Variants in OR4D6 observed in about 807,000 individuals in gnomAD.
The protein encoded by OR4D6 is olfactory receptor 4D6.
In OR4D6, 9 loss-of-function variants were observed where a neutral mutation model predicts 10.9. That is an observed-to-expected ratio of 0.82 (90% CI 0.50 to 1.44). The LOEUF (loss-of-function observed/expected upper bound fraction) is 1.44, where lower values mean the gene tolerates loss of function less well. OR4D6 is among the 40% of genes most tolerant of loss of function. The pLI is 0.00. For synonymous variants in OR4D6, 167 were observed against 154.4 expected, an observed-to-expected ratio of 1.08 and a Z score of -0.60; for missense variants, 370 against 384.4, an observed-to-expected ratio of 0.96 and a Z score of 0.31.
chr11:59,457,650 G>A lies in OR4D6; in HGVS notation c.690G>A (p.Gly230=). 6.2e-7 allele frequency: 1 copy of A among 1,613,152 alleles called. No homozygotes were observed. The highest frequency in any genetic ancestry group is 8.5e-7 in the Non-Finnish European group (1 of 1,179,890). ...VILVMLRSHS[G]EGRNKALSTC... ...TGGTGATGCTGAGATCCCACTCTGG[G>A]GAGGGGCGGAACAAGGCCCTCTCCA... The change falls in exon 1 of 1, where the codon GGG becomes GGA. Residue 230 remains glycine (G), a synonymous_variant. Transcript: ENST00000300127.
At position 59,457,279 on chromosome 11, in the gene OR4D6, G is replaced by A. The variant is rs772454753; in HGVS notation, c.319G>A (p.Ala107Thr). The change falls in exon 1 of 1, where the codon GCT becomes ACT. Residue 107 changes from alanine (A) to threonine (T), a missense_variant. By Grantham distance (58) the Ala-to-Thr change is moderately conservative (BLOSUM62 0). Coordinates refer to ENST00000300127, the MANE Select transcript of OR4D6 (RefSeq NM_001004708.1). ...CMAQIFFFHF[A>T]GGADIFFLSV... ...GGCACAGATCTTTTTCTTCCACTTTGCTGGTGGGGCAGATATTTTTTTCCT... is the reference window on the plus strand; with the variant it reads ...GGCACAGATCTTTTTCTTCCACTTTACTGGTGGGGCAGATATTTTTTTCCT... The A allele has an allele frequency of 6.2e-7, 1 of 1,613,740 alleles. No homozygotes were observed. Among genetic ancestry groups the A allele is most frequent in the South Asian group, 1.1e-5 (1 of 91,032 alleles).
chr11:59,457,120 C>T lies in OR4D6; in HGVS notation c.160C>T (p.Arg54Cys), dbSNP rs201484408. 7.7e-5 allele frequency: 125 copies of T among 1,613,934 alleles called. No homozygotes were observed. The highest frequency in any genetic ancestry group is 4.9e-4 in the Middle Eastern group (3 of 6,084). ...LIVVTITCES[R>C]LHTPMYFLLR... ...TGTGGTCACTATTACCTGTGAGTCCCGCCTACACACTCCTATGTACTTTCT... is the reference window on the plus strand; with the variant it reads ...TGTGGTCACTATTACCTGTGAGTCCTGCCTACACACTCCTATGTACTTTCT... Residue 54 changes from arginine to cysteine, a missense_variant, in exon 1 of 1, where the codon CGC becomes TGC. Physicochemically the swap from Arg to Cys is radical, Grantham distance 180. Transcript: ENST00000300127.
At position 59,457,594 on chromosome 11, in the gene OR4D6, C is replaced by T. The variant is rs1294988638; in HGVS notation, c.634C>T (p.Leu212Phe). ...NNGLVTLLWFLLLLGSYTVIL... is the reference protein window; with the variant it reads ...NNGLVTLLWFFLLLGSYTVIL... ...CGGACTGGTGACCCTGCTCTGGTTCCTCCTGCTCCTGGGCTCCTACACTGT... is the reference window on the plus strand; with the variant it reads ...CGGACTGGTGACCCTGCTCTGGTTCTTCCTGCTCCTGGGCTCCTACACTGT... The change falls in exon 1 of 1, where the codon CTC (leucine) becomes TTC (phenylalanine). Residue 212 changes from leucine (L) to phenylalanine (F), a missense_variant. Coordinates refer to ENST00000300127, the MANE Select transcript of OR4D6 (RefSeq NM_001004708.1). 6.2e-7 allele frequency: 1 copy of T among 1,614,006 alleles called. No individual in the cohort carries two copies. The highest frequency in any genetic ancestry group is 2.2e-5 in the East Asian group (1 of 44,884).
chr11:59,457,086 T>C lies in OR4D6; in HGVS notation c.126T>C (p.Asn42=). The C allele has an allele frequency of 1.9e-6, 3 of 1,614,134 alleles. No homozygotes were observed. The highest frequency in any genetic ancestry group is 1.7e-6 in the Non-Finnish European group (2 of 1,179,988). The stretch of plus-strand genomic sequence containing the variant: ...TGTATGTAGCAACAGTCCTGGGAAA[T>C]GCACTCATTGTGGTCACTATTACCT... The part of the protein sequence containing the change: ...FAVYVATVLG[N]ALIVVTITCE... The change falls in exon 1 of 1, where the codon AAT becomes AAC. Residue 42 remains asparagine (N), a synonymous_variant. Transcript: ENST00000300127.
chr11:59,457,130 C>T lies in OR4D6; in HGVS notation c.170C>T (p.Thr57Ile). Residue 57 changes from threonine to isoleucine, a missense_variant, in exon 1 of 1, where the codon ACT becomes ATT. Physicochemically the swap from Thr to Ile is moderately conservative, Grantham distance 89. Transcript: ENST00000300127. The part of the protein sequence containing the change: ...VTITCESRLH[T>I]PMYFLLRNKS... ...ATTACCTGTGAGTCCCGCCTACACA[C>T]TCCTATGTACTTTCTCCTGCGGAAC... The T allele has an allele frequency of 6.2e-7, 1 of 1,614,090 alleles. No homozygotes were observed. Among genetic ancestry groups the T allele is most frequent in the Non-Finnish European group, 8.5e-7 (1 of 1,179,960 alleles).
Position 59,457,311 on chromosome 11 carries a change from G to A in OR4D6, c.351G>A (p.Val117=). The A allele has an allele frequency of 1.2e-6, 2 of 1,613,352 alleles. No homozygotes were observed. The highest frequency in any genetic ancestry group is 1.7e-6 in the Non-Finnish European group (2 of 1,179,700). The part of the protein sequence containing the change: ...AGGADIFFLS[V]MAYDRYLAIA... ...GGGCAGATATTTTTTTCCTCTCTGT[G>A]ATGGCCTATGACAGATACCTTGCAA... The change falls in exon 1 of 1, where the codon GTG becomes GTA. Residue 117 remains valine (V), a synonymous_variant. Coordinates refer to ENST00000300127, the MANE Select transcript of OR4D6 (RefSeq NM_001004708.1).
At position 59,457,580 on chromosome 11, in the gene OR4D6, C is replaced by T; in HGVS notation, c.620C>T (p.Thr207Ile). ...LFMISNNGLVTLLWFLLLLGS... is the reference protein window; with the variant it reads ...LFMISNNGLVILLWFLLLLGS... The stretch of plus-strand genomic sequence containing the variant: ...ATGATCTCTAACAACGGACTGGTGA[C>T]CCTGCTCTGGTTCCTCCTGCTCCTG... Residue 207 changes from threonine to isoleucine, a missense_variant, in exon 1 of 1, where the codon ACC (threonine) becomes ATC (isoleucine). Coordinates refer to ENST00000300127, the MANE Select transcript of OR4D6 (RefSeq NM_001004708.1). The T allele has an allele frequency of 6.2e-7, 1 of 1,614,142 alleles. No homozygotes were observed. Among genetic ancestry groups the T allele is most frequent in the Non-Finnish European group, 8.5e-7 (1 of 1,180,022 alleles).
chr11:59,457,234 A>G lies in OR4D6; in HGVS notation c.274A>G (p.Ile92Val). The change falls in exon 1 of 1, where the codon ATC becomes GTC. Residue 92 changes from isoleucine to valine, a missense_variant. Ile to Val is a conservative substitution (Grantham distance 29, BLOSUM62 3). Coordinates refer to ENST00000300127, the MANE Select transcript of OR4D6 (RefSeq NM_001004708.1). ...GGATCTTTTATCAGACAGGAAAACC[A>G]TCTCCTACAATGACTGCATGGCACA... ...LVDLLSDRKT[I>V]SYNDCMAQIF... 1 of 1,613,032 alleles carries G rather than the reference A, an allele frequency of 6.2e-7. No individual in the cohort carries two copies. Among genetic ancestry groups the G allele is most frequent in the Non-Finnish European group, 8.5e-7 (1 of 1,179,708 alleles).
At position 59,457,170 on chromosome 11, in the gene OR4D6, C is replaced by T. The variant is rs758945903; in HGVS notation, c.210C>T (p.Asp70=). ...YFLLRNKSVL[D]IVFSSITVPK... is the part of the protein sequence containing the mutation. ...TCCTGCGGAACAAATCAGTCCTGGA[C>T]ATCGTTTTTTCATCTATCACCGTCC... Residue 70 remains aspartate, a synonymous_variant, in exon 1 of 1, where the codon GAC becomes GAT. Transcript: ENST00000300127. 5 of 1,613,858 alleles carry T rather than the reference C, an allele frequency of 3.1e-6. No individual in the cohort carries two copies. The highest frequency in any genetic ancestry group is 4.2e-6 in the Non-Finnish European group (5 of 1,179,860).
Position 59,457,696 on chromosome 11 carries a change from G to T in OR4D6, c.736G>T (p.Val246Leu). Reference protein sequence around the residue: ...ALSTCTSHMLVVTLHFVPCVY... With the variant: ...ALSTCTSHMLLVTLHFVPCVY... ...CTCCACGTGCACGTCCCACATGCTG[G>T]TGGTGACTCTTCACTTCGTGCCTTG... Residue 246 changes from valine to leucine, a missense_variant, in exon 1 of 1, where the codon GTG (valine) becomes TTG (leucine). By Grantham distance (32) the Val-to-Leu change is conservative. Coordinates refer to ENST00000300127, the MANE Select transcript of OR4D6 (RefSeq NM_001004708.1). The T allele has an allele frequency of 1.2e-6, 2 of 1,614,024 alleles. No homozygotes were observed. Among genetic ancestry groups the T allele is most frequent in the Non-Finnish European group, 1.7e-6 (2 of 1,179,996 alleles).
chr11:59,456,974 AC>A lies in OR4D6; in HGVS notation c.16del (p.His6ThrfsTer4), dbSNP rs765990669. Reference protein sequence around the residue: MDQINHTNVKEFFFL... With the variant: MDQIXHTNVKEFFFL... ...GTCATCCCCATCATGGACCAGATCA[AC>A]CACACTAATGTGAAGGAGTTTTTCT... On this transcript the variant is annotated frameshift_variant, in exon 1 of 1. Coordinates refer to ENST00000300127, the MANE Select transcript of OR4D6 (RefSeq NM_001004708.1). LOFTEE classifies it low-confidence loss of function (END_TRUNC). 4.3e-6 allele frequency: 7 copies of A among 1,612,856 alleles called. No individual in the cohort carries two copies. The East Asian group carries it at 1.6e-4, about 36-fold the overall frequency.
Position 59,457,575 on chromosome 11 carries a change from G to A in OR4D6, c.615G>A (p.Leu205=). 1.9e-6 allele frequency: 3 copies of A among 1,614,126 alleles called. No individual in the cohort carries two copies. The highest frequency in any genetic ancestry group is 2.2e-5 in the South Asian group (2 of 91,074). ...TTTTCATGATCTCTAACAACGGACT[G>A]GTGACCCTGCTCTGGTTCCTCCTGC... The part of the protein sequence containing the change: ...LELFMISNNG[L]VTLLWFLLLL... The change falls in exon 1 of 1, where the codon CTG becomes CTA. Residue 205 remains leucine (L), a synonymous_variant. Transcript: ENST00000300127.
rs566579941 is a variant in OR4D6, at chr11:59,457,489, T to G, written c.529T>G (p.Phe177Val). ...PFCGPNTLDAFYCYVLQVVKL... is the reference protein window; with the variant it reads ...PFCGPNTLDAVYCYVLQVVKL... The stretch of plus-strand genomic sequence containing the variant: ...CTGTGGCCCCAACACACTGGATGCC[T>G]TCTACTGTTATGTGCTCCAGGTGGT... Residue 177 changes from phenylalanine (F) to valine (V), a missense_variant, in exon 1 of 1, where the codon TTC (phenylalanine) becomes GTC (valine). Coordinates refer to ENST00000300127, the MANE Select transcript of OR4D6 (RefSeq NM_001004708.1). 4 of 1,614,122 alleles carry G rather than the reference T, an allele frequency of 2.5e-6. No homozygotes were observed. In the South Asian group the frequency reaches 4.4e-5, roughly 18 times the overall value.
Position 59,457,239 on chromosome 11 carries a change from C to A in OR4D6, c.279C>A (p.Ser93=). ...VDLLSDRKTI[S]YNDCMAQIFF... ...TTTTATCAGACAGGAAAACCATCTCCTACAATGACTGCATGGCACAGATCT... is the reference window on the plus strand; with the variant it reads ...TTTTATCAGACAGGAAAACCATCTCATACAATGACTGCATGGCACAGATCT... Residue 93 remains serine, a synonymous_variant, in exon 1 of 1, where the codon TCC becomes TCA. Coordinates refer to ENST00000300127, the MANE Select transcript of OR4D6 (RefSeq NM_001004708.1). 6.2e-7 allele frequency: 1 copy of A among 1,613,228 alleles called. No homozygotes were observed. Among genetic ancestry groups the A allele is most frequent in the Non-Finnish European group, 8.5e-7 (1 of 1,179,760 alleles).
In OR4D6 at chr11:59,457,706, T is replaced by C; in HGVS notation, c.746T>C (p.Leu249Pro). 6.2e-7 allele frequency: 1 copy of C among 1,614,094 alleles called. No homozygotes were observed. Among genetic ancestry groups the C allele is most frequent in the Non-Finnish European group, 8.5e-7 (1 of 1,179,976 alleles). ...ACGTCCCACATGCTGGTGGTGACTCTTCACTTCGTGCCTTGTGTTTACATC... is the reference window on the plus strand; with the variant it reads ...ACGTCCCACATGCTGGTGGTGACTCCTCACTTCGTGCCTTGTGTTTACATC... ...TCTSHMLVVT[L>P]HFVPCVYIYC... The change falls in exon 1 of 1, where the codon CTT (leucine) becomes CCT (proline). Residue 249 changes from leucine to proline, a missense_variant. Leu to Pro is a moderately conservative substitution (Grantham distance 98). Coordinates refer to ENST00000300127, the MANE Select transcript of OR4D6 (RefSeq NM_001004708.1).
chr11:59,457,485 T>C lies in OR4D6; in HGVS notation c.525T>C (p.Asp175=). 2 of 1,614,172 alleles carry C rather than the reference T, an allele frequency of 1.2e-6. No individual in the cohort carries two copies. The highest frequency in any genetic ancestry group is 1.1e-5 in the South Asian group (1 of 91,078). ...CCTTCTGTGGCCCCAACACACTGGA[T>C]GCCTTCTACTGTTATGTGCTCCAGG... The part of the protein sequence containing the change: ...PFPFCGPNTL[D]AFYCYVLQVV... The change falls in exon 1 of 1, where the codon GAT becomes GAC. Residue 175 remains aspartate, a synonymous_variant. Transcript: ENST00000300127.
chr11:59,457,485 T>G lies in OR4D6; in HGVS notation c.525T>G (p.Asp175Glu), dbSNP rs1452247754. 1.2e-6 allele frequency: 2 copies of G among 1,614,172 alleles called. No homozygotes were observed. Among genetic ancestry groups the G allele is most frequent in the East Asian group, 2.2e-5 (1 of 44,874 alleles). ...CCTTCTGTGGCCCCAACACACTGGA[T>G]GCCTTCTACTGTTATGTGCTCCAGG... is the stretch of plus-strand genomic sequence containing the variant. ...PFPFCGPNTL[D>E]AFYCYVLQVV... The change falls in exon 1 of 1, where the codon GAT becomes GAG. Residue 175 changes from aspartate to glutamate, a missense_variant. Physicochemically the swap from Asp to Glu is conservative, Grantham distance 45 (BLOSUM62 2). Coordinates refer to ENST00000300127, the MANE Select transcript of OR4D6 (RefSeq NM_001004708.1).
rs934833702 is a variant in OR4D6 at position 59,457,181 on chromosome 11, C to A, written c.221C>A (p.Ser74Ter). The change falls in exon 1 of 1, where the codon TCA becomes TAA. Residue 74 changes from serine (S) to a stop codon, truncating the protein, a stop_gained. Transcript: ENST00000300127. LOFTEE classifies it high-confidence loss of function. ...RNKSVLDIVFSSITVPKFLVD... is the reference protein window; with the variant it reads ...RNKSVLDIVF ...AAATCAGTCCTGGACATCGTTTTTTCATCTATCACCGTCCCCAAGTTCCTG... is the reference window on the plus strand; with the variant it reads ...AAATCAGTCCTGGACATCGTTTTTTAATCTATCACCGTCCCCAAGTTCCTG... 6.2e-7 allele frequency: 1 copy of A among 1,613,080 alleles called. No homozygotes were observed. The highest frequency in any genetic ancestry group is 1.3e-5 in the African/African-American group (1 of 74,820).
chr11:59,457,262 T>C lies in OR4D6; in HGVS notation c.302T>C (p.Ile101Thr), dbSNP rs755816546. 8 of 1,613,864 alleles carry C rather than the reference T, an allele frequency of 5.0e-6. No homozygotes were observed. The East Asian group carries it at 1.3e-4, about 27-fold the overall frequency. ...TCCTACAATGACTGCATGGCACAGA[T>C]CTTTTTCTTCCACTTTGCTGGTGGG... ...TISYNDCMAQ[I>T]FFFHFAGGAD... The change falls in exon 1 of 1, where the codon ATC becomes ACC. Residue 101 changes from isoleucine to threonine, a missense_variant. Transcript: ENST00000300127.
Sources: allele counts gnomAD v4.1 joint callset, GRCh38; gene constraint gnomAD v4.1.1; transcripts MANE v1.5; gene names NCBI Gene and HGNC (gene_info 2026-07-23, HGNC 2026-07-21).